PRTG: variants seen among roughly 807,000 people sequenced by gnomAD.
PRTG encodes immunoglobulin superfamily, DCC subclass, member 5.
In PRTG, 67 loss-of-function variants were observed where a neutral mutation model predicts 122.5. The observed-to-expected ratio is 0.55, with a 90% CI of 0.45 to 0.67. The LOEUF (loss-of-function observed/expected upper bound fraction) is 0.67, where lower values mean the gene tolerates loss of function less well. PRTG is among the 30% of genes least tolerant of loss of function. The pLI is 0.00. For synonymous variants in PRTG, 554 were observed against 501.1 expected, an observed-to-expected ratio of 1.11 and a Z score of -1.41; for missense variants, 1,435 against 1,415.4, an observed-to-expected ratio of 1.01 and a Z score of -0.22.
chr15:55,628,044 C>T (rs546254436), intron 16 of PRTG, among the ~76,000 whole-genome samples: 1 of 152,274 alleles, frequency 6.6e-6, no homozygotes, highest in South Asian at 2.1e-4. Context: ...ACGGTGGCTA[C>T]GATGGCTACC....
Position 55,640,831 on chromosome 15 carries a change from G to A in PRTG, c.2137+282C>T, listed in dbSNP as rs529404980. 6.7e-5 allele frequency among the ~76,000 whole-genome samples: 10 copies of A among 149,540 alleles called. No homozygotes were observed. The East Asian group carries it at 2.0e-3, about 29-fold the overall frequency. The stretch of plus-strand genomic sequence containing the variant: ...TCGAGAACAGCCTGGCCAACATGGT[G>A]AAAACCCCGTCTCTACTAAAAATAC... On this transcript the variant is annotated intron_variant, in intron 12 of 19. Coordinates refer to ENST00000389286, the MANE Select transcript of PRTG (RefSeq NM_173814.6).
chr15:55,691,326 T>C lies in PRTG; in HGVS notation c.398-7395A>G, dbSNP rs1332239869. Among the ~76,000 whole-genome samples the C allele has an allele frequency of 6.7e-5, 10 of 150,020 alleles. No individual in the cohort carries two copies. The South Asian group carries it at 1.5e-3, about 22-fold the overall frequency. On this transcript the variant is annotated intron_variant, in intron 2 of 19. Transcript: ENST00000389286. ...AAAAAAAAAAAAAAAGTACAGGTTC[T>C]ACTCCTAAGCAATTCTGCTGCTCAG...
chr15:55,616,466 T>C lies in PRTG; in HGVS notation c.*3546A>G, dbSNP rs977646675. On this transcript the variant is annotated 3_prime_UTR_variant, in exon 20 of 20. Transcript: ENST00000389286. ...CTAATTCAGAGGTACCATAATACTC[T>C]GCAACATAAAAGCTTGCTGATATTT... The C allele has an allele frequency of 3.9e-5, 6 of 152,160 alleles. No homozygotes were observed. The highest frequency in any genetic ancestry group is 9.6e-5 in the African/African-American group (4 of 41,454). 9.4% of individuals were successfully genotyped at this position (152,160 alleles called of 1,614,324 possible). A position where few individuals can be genotyped will look rare whatever the true frequency, so the allele number is the denominator to read the frequency against.
Position 55,620,181 on chromosome 15 carries a change from G to A in PRTG, c.3284C>T (p.Pro1095Leu), listed in dbSNP as rs747804965. Residue 1095 changes from proline to leucine, a missense_variant, in exon 20 of 20, where the codon CCA becomes CTA. Transcript: ENST00000389286. ...LISDEDSPSS[P>L]GQTTSFSRPF... ...TCTTGAGAAGCTGGTTGTCTGACCTGGGGAGCTAGGGGAGTCTTCATCACT... is the reference window on the plus strand; with the variant it reads ...TCTTGAGAAGCTGGTTGTCTGACCTAGGGAGCTAGGGGAGTCTTCATCACT... 3 of 1,614,144 alleles carry A rather than the reference G, an allele frequency of 1.9e-6. No homozygotes were observed. The highest frequency in any genetic ancestry group is 2.5e-6 in the Non-Finnish European group (3 of 1,180,024).
At chr15:55,658,213 TAA>T (rs1329790124) in intron 11 of PRTG, among the ~76,000 whole-genome samples, 1 of 152,244 alleles carries the variant, frequency 6.6e-6, no homozygotes, top group Non-Finnish European at 1.5e-5. Flanking sequence ...CCTCAGTAGC[TAA>T]ATATATAGGA....
chr15:55,637,854 T>G (rs1359758120), intron 14 of PRTG, among the ~76,000 whole-genome samples: 1 of 152,160 alleles, frequency 6.6e-6, no homozygotes, highest in Non-Finnish European at 1.5e-5. Flanking sequence ...CAGTAAAATC[T>G]TGGAATTTAA....
rs1191586845 is a variant in PRTG, at chr15:55,613,307, CAAG to C, written c.*6702_*6704del. On this transcript the variant is annotated 3_prime_UTR_variant, in exon 20 of 20. Coordinates refer to ENST00000389286, the MANE Select transcript of PRTG (RefSeq NM_173814.6). ...AAAATCATGAACTCTTCAGACCTAA[CAAG>C]AAAGGATTACTGTTTACACACCTGA... The C allele has an allele frequency of 3.3e-5, 5 of 152,064 alleles. No individual in the cohort carries two copies. The highest frequency in any genetic ancestry group is 5.9e-5 in the Non-Finnish European group (4 of 67,962). 9.4% of individuals were successfully genotyped at this position (152,064 alleles called of 1,614,324 possible).
At chr15:55,717,673 T>C (rs751017181) in intron 2 of PRTG, among the ~76,000 whole-genome samples, 8 of 152,232 alleles carry the variant, frequency 5.3e-5, no homozygotes, top group Non-Finnish European at 1.0e-4. Flanking sequence ...CTTAATGACA[T>C]CTATGTTGCT....
At chr15:55,704,390 T>TC (rs1441303811) in intron 2 of PRTG, among the ~76,000 whole-genome samples, 3 of 152,184 alleles carry the variant, frequency 2.0e-5, no homozygotes, top group Non-Finnish European at 4.4e-5. Context: ...AATCACCAAA[T>TC]CCATCAAGAT....
Position 55,673,366 on chromosome 15 carries a change from T to C in PRTG, c.1852+5A>G, listed in dbSNP as rs191120839. The C allele has an allele frequency of 2.4e-4, 386 of 1,599,216 alleles. 1 individual carries two copies. The African/African-American group carries it at 4.8e-3, about 20-fold the overall frequency. Reference sequence around the variant, plus strand: ...GTATTTTCTTAACAGTCTTCAGAAATTCACCTTTCACGCTTGTAGCTTTGG... The same window carrying C: ...GTATTTTCTTAACAGTCTTCAGAAACTCACCTTTCACGCTTGTAGCTTTGG... On this transcript the variant is annotated splice_donor_5th_base_variant and intron_variant, in intron 10 of 19. Coordinates refer to ENST00000389286, the MANE Select transcript of PRTG (RefSeq NM_173814.6).
At chr15:55,658,750 G>A (rs2059393959) in intron 11 of PRTG, among the ~76,000 whole-genome samples, 1 of 152,070 alleles carries the variant, frequency 6.6e-6, no homozygotes, top group South Asian at 2.1e-4. Context: ...TTACATTCTC[G>A]CTTTTAGTAT....
At chr15:55,655,225 C>G (rs980001626) in intron 11 of PRTG, 1 of 152,102 alleles carries the variant, frequency 6.6e-6, no homozygotes, top group Non-Finnish European at 1.5e-5. Flanking sequence ...CAAGCAGCTG[C>G]ATATTATTAA....
chr15:55,657,481 T>TTAACA (rs2059386860), intron 11 of PRTG, among the ~76,000 whole-genome samples: 2 of 152,224 alleles, frequency 1.3e-5, no homozygotes, highest in African/African-American at 4.8e-5. Flanking sequence ...TAAGTGATCC[T>TTAACA]AGATACAACA....
chr15:55,741,729 G>T lies in PRTG; in HGVS notation c.95-1045C>A, dbSNP rs369442013. ...CAGAAATGATTTGTTTCTCCTCAAG[G>T]CAGGTCCTCGGAATACTCACTCTTC... On this transcript the variant is annotated intron_variant, in intron 1 of 19. Transcript: ENST00000389286. 1.4e-4 allele frequency among the ~76,000 whole-genome samples: 21 copies of T among 152,260 alleles called. No homozygotes were observed. In the South Asian group the frequency reaches 4.2e-3, roughly 30 times the overall value.
chr15:55,693,304 A>G (rs1460360152), intron 2 of PRTG, among the ~76,000 whole-genome samples: 1 of 152,158 alleles, frequency 6.6e-6, no homozygotes, highest in Admixed American at 6.5e-5. Context: ...TAAAAACACG[A>G]AATCAGCCGG....
intron 11 of PRTG, among the ~76,000 whole-genome samples, chr15:55,667,007 T>TA (rs945552655): frequency 6.6e-6 from 1 of 152,172 alleles, no homozygotes; most frequent in African/African-American, 2.4e-5. Context: ...GTGGTTTCTA[T>TA]AATAGAACAT....
intron 11 of PRTG, among the ~76,000 whole-genome samples, chr15:55,646,892 T>C (rs1487704312): frequency 1.3e-5 from 2 of 152,192 alleles, no homozygotes; most frequent in Admixed American, 6.5e-5. Flanking sequence ...CACACTGCTA[T>C]GGCTGTACTC....
chr15:55,714,205 GTC>G lies in PRTG; in HGVS notation c.397+26175_397+26176del, dbSNP rs3049129. ...TTATTTTCTTTCTATCTATTTATCT[GTC>G]TCTCTCTCTCTCTCTCTCTCTCTCT... On this transcript the variant is annotated intron_variant, in intron 2 of 19. Transcript: ENST00000389286. 2.5e-3 allele frequency among the ~76,000 whole-genome samples: 358 copies of G among 142,646 alleles called. 1 individual carries two copies. The highest frequency in any genetic ancestry group is 3.3e-3 in the Non-Finnish European group (217 of 66,010). The allele number at this position is 142,646 out of a possible 152,430, so 93.6% of individuals were successfully genotyped here.
In PRTG at chr15:55,619,797, C is replaced by CTTTG; in HGVS notation, c.*211_*214dup. 5 of 677,924 alleles carry CTTTG rather than the reference C, an allele frequency of 7.4e-6. No individual in the cohort carries two copies. The highest frequency in any genetic ancestry group is 3.4e-5 in the Admixed American group (1 of 29,696). The allele number at this position is 677,924 out of a possible 1,614,324, so 42.0% of individuals were successfully genotyped here. ...AAGATATTAAGATTTTCACAAAAGG[C>CTTTG]TTTGGTTCCCTGTTCATTGTCCTTC... is the stretch of plus-strand genomic sequence containing the variant. On this transcript the variant is annotated 3_prime_UTR_variant, in exon 20 of 20. Transcript: ENST00000389286.
Sources: gnomAD v4.1 joint callset for allele counts (sites outside exome capture counted in the v4.1 genomes callset) on GRCh38, gnomAD v4.1.1 for gene constraint, MANE v1.5 for transcripts, NCBI Gene and HGNC (gene_info 2026-07-23, HGNC 2026-07-21) for gene names.